Variants in PXDNL observed in about 807,000 individuals in gnomAD.
PXDNL encodes the protein probable oxidoreductase PXDNL.
Under a neutral mutation model 150.8 loss-of-function variants are expected in PXDNL, and 145 were observed. The ratio of observed to expected loss-of-function variants is 0.96; its 90% CI spans 0.84 to 1.10. PXDNL has a LOEUF of 1.10. Ranked by LOEUF, PXDNL falls within the 50% of genes least tolerant of loss-of-function variation. PXDNL has a pLI of 0.00. For missense variants in PXDNL, 2,087 were observed against 1,873.9 expected (o/e 1.11, Z -2.10); for synonymous variants, 757 against 725.7 (o/e 1.04, Z -0.69).
chr8:51,697,004 C>T (rs1050858993), intron 1 of PXDNL, among the ~76,000 whole-genome samples: 1 of 152,194 alleles, frequency 6.6e-6, no homozygotes, highest in South Asian at 2.1e-4. Flanking sequence ...TAGATTTTCA[C>T]TTAAACATGG....
chr8:51,523,485 A>G (rs1811703111), intron 4 of PXDNL, among the ~76,000 whole-genome samples: 1 of 152,210 alleles, frequency 6.6e-6, no homozygotes, highest in South Asian at 2.1e-4. Context: ...TGATTTTGAG[A>G]AATTCAGTTC....
chr8:51,758,232 A>T (rs2037123938), intron 1 of PXDNL, among the ~76,000 whole-genome samples: 1 of 152,208 alleles, frequency 6.6e-6, no homozygotes, highest in Non-Finnish European at 1.5e-5. Flanking sequence ...CACACGTATT[A>T]TAGCTAAACA....
chr8:51,519,261 G>T (rs1811607445), intron 4 of PXDNL, among the ~76,000 whole-genome samples: 1 of 152,056 alleles, frequency 6.6e-6, no homozygotes, highest in Admixed American at 6.6e-5. Context: ...CCTGAAGAAG[G>T]CCGGGTGCGG....
intron 17 of PXDNL, among the ~76,000 whole-genome samples, chr8:51,406,481 C>G (rs187859898): frequency 6.6e-6 from 1 of 152,138 alleles, no homozygotes; most frequent in Admixed American, 6.5e-5. Flanking sequence ...GAGTTAAATA[C>G]GGAGTGAAGA....
At chr8:51,725,180 A>C (rs1206008959) in intron 1 of PXDNL, among the ~76,000 whole-genome samples, 1 of 152,098 alleles carries the variant, frequency 6.6e-6, no homozygotes, top group African/African-American at 2.4e-5. Flanking sequence ...CTGCACCCAC[A>C]ATGTCTAGAA....
rs1563397317 is a variant in PXDNL, at chr8:51,408,289, C to CGCCA, written c.3331_3334dup (p.Arg1112LeufsTer11). 6 of 1,613,918 alleles carry CGCCA rather than the reference C, an allele frequency of 3.7e-6. No homozygotes were observed. Among genetic ancestry groups the CGCCA allele is most frequent in the Non-Finnish European group, 5.1e-6 (6 of 1,179,856 alleles). On this transcript the variant is annotated frameshift_variant, in exon 17 of 23. Transcript: ENST00000356297. LOFTEE classifies it high-confidence loss of function. Reference sequence around the variant, plus strand: ...AGGACTGAGAAGGTAGGAGGGTGCCCGCCATTTAGCAGCCACGCCAAACAG... The same window carrying CGCCA: ...AGGACTGAGAAGGTAGGAGGGTGCCCGCCAGCCATTTAGCAGCCACGCCAAACAG...
chr8:51,625,067 A>G lies in PXDNL; in HGVS notation c.236+29622T>C, dbSNP rs187542994. On this transcript the variant is annotated intron_variant, in intron 2 of 22. Coordinates refer to ENST00000356297, the MANE Select transcript of PXDNL (RefSeq NM_144651.5). The stretch of plus-strand genomic sequence containing the variant: ...CTGGGGGATATAAAGATAATAAAAT[A>G]CAGACCATGAAAACCTGAAAAGTTA... Among the ~76,000 whole-genome samples, 422 of 152,290 alleles carry G rather than the reference A, an allele frequency of 2.8e-3. 1 individual carries two copies. The highest frequency in any genetic ancestry group is 5.0e-3 in the Non-Finnish European group (342 of 68,014).
chr8:51,597,585 G>GT (rs961964244), intron 2 of PXDNL, among the ~76,000 whole-genome samples: 11 of 151,052 alleles, frequency 7.3e-5, no homozygotes, highest in Middle Eastern at 3.4e-3. Context: ...TCTTTTAGCA[G>GT]TTTTTTTTGT....
At chr8:51,373,501 T>G (rs1186570185) in intron 18 of PXDNL, among the ~76,000 whole-genome samples, 1 of 152,176 alleles carries the variant, frequency 6.6e-6, no homozygotes, top group Non-Finnish European at 1.5e-5. Context: ...CTATTGCCAA[T>G]TGAGCACATT....
chr8:51,449,246 G>T (rs1419076188), intron 10 of PXDNL, 128 bp from the exon 11 acceptor site: 3 of 608,368 alleles, frequency 4.9e-6, no homozygotes, highest in African/African-American at 1.9e-5. Context: ...TATAAACAAG[G>T]TTATAAAGAG....
rs199628614 is a variant in PXDNL, at chr8:51,409,036, G to T, written c.2588C>A (p.Ala863Glu). 6.3e-5 allele frequency: 101 copies of T among 1,610,250 alleles called. No homozygotes were observed. Among genetic ancestry groups the T allele is most frequent in the Non-Finnish European group, 7.9e-5 (93 of 1,179,718 alleles). The change falls in exon 17 of 23, where the codon GCG (alanine) becomes GAG (glutamate). Residue 863 changes from alanine (A) to glutamate (E), a missense_variant. Physicochemically the swap from Ala to Glu is moderately radical, Grantham distance 107. Coordinates refer to ENST00000356297, the MANE Select transcript of PXDNL (RefSeq NM_144651.5). Reference protein sequence around the residue: ...RGTHAPCMLFARSSPACASGR... With the variant: ...RGTHAPCMLFERSSPACASGR... The stretch of plus-strand genomic sequence containing the variant: ...GCTGGCACACGCGGGGCTGGAGCGC[G>T]CGAAGAGCATGCAGGGCGCGTGGGT...
At chr8:51,602,910 C>T (rs115802286) in intron 2 of PXDNL, among the ~76,000 whole-genome samples, 335 of 151,172 alleles carry the variant, frequency 2.2e-3, no homozygotes, top group African/African-American at 7.8e-3. Context: ...TTGTATCATA[C>T]TTAGGCTTTC....
intron 4 of PXDNL, among the ~76,000 whole-genome samples, chr8:51,538,565 AG>A (rs200464086): frequency 0.019 from 2,839 of 152,290 alleles, 37 homozygotes; most frequent in African/African-American, 0.035. Context: ...CAAGAGTTTG[AG>A]ACCAGGCTGG....
chr8:51,773,226 G>A (rs1414399779), intron 1 of PXDNL, among the ~76,000 whole-genome samples: 1 of 152,150 alleles, frequency 6.6e-6, no homozygotes, highest in East Asian at 1.9e-4. Flanking sequence ...TGACAAACAA[G>A]GAGGTAAGTA....
intron 8 of PXDNL, among the ~76,000 whole-genome samples, chr8:51,471,481 A>G (rs537980098): frequency 6.2e-4 from 95 of 152,312 alleles, no homozygotes; most frequent in African/African-American, 2.1e-3. Flanking sequence ...AAATAATCCT[A>G]TACTGATTTA....
intron 7 of PXDNL, among the ~76,000 whole-genome samples, chr8:51,472,920 C>T (rs995557913): frequency 6.6e-6 from 1 of 152,050 alleles, no homozygotes; most frequent in Admixed American, 6.6e-5. Flanking sequence ...ACAAAAGGGA[C>T]TTTTAGTTTT....
intron 17 of PXDNL, among the ~76,000 whole-genome samples, chr8:51,391,958 A>G (rs1319759474): frequency 3.3e-5 from 5 of 152,160 alleles, no homozygotes; most frequent in Admixed American, 6.5e-5. Context: ...TCTACATATG[A>G]CTAGCCAGTT....
At chr8:51,726,540 C>T (rs1816820554) in intron 1 of PXDNL, among the ~76,000 whole-genome samples, 1 of 152,214 alleles carries the variant, frequency 6.6e-6, no homozygotes, top group South Asian at 2.1e-4. Flanking sequence ...GACAGGTCTT[C>T]ATACTTGCCT....
rs1414504062 is a variant in PXDNL, at chr8:51,556,896, A to G, written c.324T>C (p.Asn108=). The change falls in exon 4 of 23, where the codon AAT becomes AAC. Residue 108 remains asparagine (N), a synonymous_variant. Coordinates refer to ENST00000356297, the MANE Select transcript of PXDNL (RefSeq NM_144651.5). The stretch of plus-strand genomic sequence containing the variant: ...TTTGCTTATCTAGTGCATGGATTTC[A>G]TTCTTATACAGGTACCTGGAAAATA... ...ENLLYLYLYK[N]EIHALDKQTF... The G allele has an allele frequency of 6.4e-7, 1 of 1,565,064 alleles. No individual in the cohort carries two copies. Among genetic ancestry groups the G allele is most frequent in the Non-Finnish European group, 8.8e-7 (1 of 1,136,302 alleles).
Sources: allele counts gnomAD v4.1 joint callset (sites outside exome capture counted in the v4.1 genomes callset), GRCh38; gene constraint gnomAD v4.1.1; transcripts MANE v1.5; gene names NCBI Gene and HGNC (gene_info 2026-07-23, HGNC 2026-07-21).